Variants in GALNT13 observed in about 807,000 individuals in gnomAD.
GALNT13 encodes the protein UDP-GalNAc:polypeptide N-acetylgalactosaminyltransferase 13.
In GALNT13, 28 loss-of-function variants were observed where a neutral mutation model predicts 64.2. That is an observed-to-expected ratio of 0.44 (90% CI 0.32 to 0.60). The LOEUF (loss-of-function observed/expected upper bound fraction) is 0.60. Among genes scored for constraint, GALNT13 ranks in the 20% least tolerant of loss-of-function variants. The pLI is 0.05. For synonymous variants in GALNT13, 214 were observed against 224.6 expected, an observed-to-expected ratio of 0.95 and a Z score of 0.42; for missense variants, 577 against 669.8, an observed-to-expected ratio of 0.86 and a Z score of 1.53.
the GALNT13 span, among the ~76,000 whole-genome samples, chr2:153,278,979 A>G: frequency 2.6e-5 from 4 of 152,104 alleles, no homozygotes; most frequent in Non-Finnish European, 5.9e-5. Flanking sequence ...TAATTCTTCT[A>G]ATGTAGGAGC....
At chr2:154,275,847 C>T (rs552960918) in intron 8 of GALNT13, among the ~76,000 whole-genome samples, 16 of 151,404 alleles carry the variant, frequency 1.1e-4, no homozygotes, top group African/African-American at 3.1e-4. Flanking sequence ...GAGGGACTAT[C>T]CCCTGCAAAG....
At chr2:153,587,982 C>T in the GALNT13 span, among the ~76,000 whole-genome samples, 1 of 152,338 alleles carries the variant, frequency 6.6e-6, no homozygotes. Context: ...CTACAGGCCC[C>T]ATGCAAGTCT....
chr2:154,265,060 G>C (rs915969059), intron 8 of GALNT13, among the ~76,000 whole-genome samples: 1 of 151,412 alleles, frequency 6.6e-6, no homozygotes, highest in Admixed American at 6.6e-5. Flanking sequence ...GCCAAATATG[G>C]GAAAAATAGA....
chr2:153,356,833 T>C, the GALNT13 span, among the ~76,000 whole-genome samples: 47 of 145,910 alleles, frequency 3.2e-4, no homozygotes, highest in African/African-American at 1.2e-3. Flanking sequence ...AGTCTTGCTC[T>C]GTCGCCCAGG....
chr2:154,049,681 A>G (rs1315768722), intron 3 of GALNT13, among the ~76,000 whole-genome samples: 1 of 151,718 alleles, frequency 6.6e-6, no homozygotes, highest in Admixed American at 6.6e-5. Context: ...GGGATTTTCC[A>G]CATACTTAAT....
chr2:154,390,843 A>G (rs707048), intron 9 of GALNT13, among the ~76,000 whole-genome samples: 50,149 of 152,102 alleles, frequency 0.33, 8,537 homozygotes, highest in South Asian at 0.42. Context: ...AAAAACTTAT[A>G]AATTTTTGCC....
At chr2:153,221,784 T>A in the GALNT13 span, among the ~76,000 whole-genome samples, 1 of 151,694 alleles carries the variant, frequency 6.6e-6, no homozygotes, top group Non-Finnish European at 1.5e-5. Context: ...CTCCAGGCAC[T>A]GGCTCCGTGC....
At chr2:153,166,371 A>G in the GALNT13 span, among the ~76,000 whole-genome samples, 1 of 152,190 alleles carries the variant, frequency 6.6e-6, no homozygotes, top group African/African-American at 2.4e-5. Flanking sequence ...GCAAGCTGCC[A>G]TATTGTGGGC....
the GALNT13 span, among the ~76,000 whole-genome samples, chr2:153,631,252 A>G: frequency 2.0e-5 from 3 of 152,194 alleles, no homozygotes; most frequent in Non-Finnish European, 4.4e-5. Flanking sequence ...GCTATTGTGA[A>G]TAATGCTGCA....
intron 3 of GALNT13, among the ~76,000 whole-genome samples, chr2:154,000,627 T>G (rs1161761721): frequency 6.6e-6 from 1 of 152,170 alleles, no homozygotes; most frequent in Non-Finnish European, 1.5e-5. Context: ...ATTCCTGGTT[T>G]TATTCTACTG....
chr2:154,206,223 G>A (rs1026946445), intron 4 of GALNT13, among the ~76,000 whole-genome samples: 3 of 151,306 alleles, frequency 2.0e-5, no homozygotes, highest in Admixed American at 2.0e-4. Flanking sequence ...GGATGGTCTC[G>A]ACCTCCTGAC....
At chr2:153,752,615 A>T in the GALNT13 span, among the ~76,000 whole-genome samples, 4 of 152,098 alleles carry the variant, frequency 2.6e-5, no homozygotes, top group Non-Finnish European at 5.9e-5. Context: ...GTTGCCAGAC[A>T]TATTGGATCC....
intron 4 of GALNT13, among the ~76,000 whole-genome samples, chr2:154,235,279 A>T (rs79547946): frequency 0.033 from 5,062 of 152,278 alleles, 112 homozygotes; most frequent in East Asian, 0.13. Flanking sequence ...CTGATTTTTT[A>T]AAAAATTGAA....
chr2:153,938,970 A>G (rs1044202411), intron 2 of GALNT13, among the ~76,000 whole-genome samples: 1 of 152,122 alleles, frequency 6.6e-6, no homozygotes, highest in East Asian at 1.9e-4. Flanking sequence ...ATTTAAATAT[A>G]TTGGAGTGAG....
chr2:153,931,705 G>A (rs1367619745), intron 2 of GALNT13, among the ~76,000 whole-genome samples: 1 of 152,174 alleles, frequency 6.6e-6, no homozygotes, highest in Non-Finnish European at 1.5e-5. Context: ...AAGCCTACTT[G>A]ATCATGGTGG....
chr2:153,163,564 C>A, the GALNT13 span, among the ~76,000 whole-genome samples: 1 of 152,008 alleles, frequency 6.6e-6, no homozygotes, highest in African/African-American at 2.4e-5. Flanking sequence ...AACCTTTCAC[C>A]TTCAAATGAC....
chr2:154,409,196 T>C, intron 11 of GALNT13, 114 bp downstream of exon 11: 1 of 742,130 alleles, frequency 1.3e-6, no homozygotes, highest in East Asian at 2.6e-5. Flanking sequence ...AATAAATAAA[T>C]GTACACTCAA....
At chr2:153,838,264 C>G in the GALNT13 span, among the ~76,000 whole-genome samples, 1 of 151,984 alleles carries the variant, frequency 6.6e-6, no homozygotes, top group Admixed American at 6.6e-5. Context: ...TGTAGTCCCA[C>G]TTGTTTATTT....
chr2:153,183,871 G>A, the GALNT13 span, among the ~76,000 whole-genome samples: 10 of 152,252 alleles, frequency 6.6e-5, no homozygotes, highest in African/African-American at 2.4e-4. Context: ...GGTTACTGTA[G>A]GCTTGTAGTA....
Sources: gnomAD v4.1 joint callset for allele counts (sites outside exome capture counted in the v4.1 genomes callset) on GRCh38, gnomAD v4.1.1 for gene constraint, MANE v1.5 for transcripts, NCBI Gene and HGNC (gene_info 2026-07-23, HGNC 2026-07-21) for gene names.